Variants in MEDAG observed in about 807,000 individuals in gnomAD.
MEDAG encodes the protein mesenteric estrogen-dependent adipogenesis protein.
A neutral mutation model predicts 29.9 loss-of-function variants in MEDAG; 25 were observed. That is an observed-to-expected ratio of 0.84 (90% CI 0.61 to 1.17). The LOEUF is 1.17. Ranked by LOEUF, MEDAG falls within the 50% of genes most tolerant of loss-of-function variation. The probability of loss-of-function intolerance (pLI) is 0.00; values close to 1 mark genes in which losing one functional copy is unlikely to be tolerated. For synonymous variants in MEDAG, 158 were observed against 148.2 expected (o/e 1.07, Z -0.48); for missense variants, 398 against 372.9 (o/e 1.07, Z -0.56).
intron 1 of MEDAG, among the ~76,000 whole-genome samples, chr13:30,912,920 AT>A (rs1159371089): frequency 6.6e-6 from 1 of 152,234 alleles, no homozygotes; most frequent in African/African-American, 2.4e-5. Flanking sequence ...GTTGGCCAGG[AT>A]TAGAGATACT....
intron 3 of MEDAG, 85 bp from the exon 4 acceptor site, chr13:30,921,476 T>C: frequency 3.2e-6 from 4 of 1,235,836 alleles, no homozygotes; most frequent in Non-Finnish European, 4.5e-6. Flanking sequence ...TGTGATGTTT[T>C]GGATATTTAG....
intron 1 of MEDAG, among the ~76,000 whole-genome samples, chr13:30,914,802 A>C (rs2138120219): frequency 6.6e-6 from 1 of 152,348 alleles, no homozygotes; most frequent in African/African-American, 2.4e-5. Flanking sequence ...ACGCAGAGGG[A>C]CATACTGCAC....
intron 1 of MEDAG, among the ~76,000 whole-genome samples, chr13:30,913,524 C>T (rs963322332): frequency 1.3e-5 from 2 of 152,118 alleles, no homozygotes; most frequent in African/African-American, 2.4e-5. Flanking sequence ...TGAGCCACCA[C>T]GCCCGGCTTT....
chr13:30,920,119 A>G (rs1952968611), intron 2 of MEDAG, among the ~76,000 whole-genome samples: 1 of 152,180 alleles, frequency 6.6e-6, no homozygotes, highest in Non-Finnish European at 1.5e-5. Flanking sequence ...GCCTTGGTCC[A>G]TAGAACCCTA....
chr13:30,923,344 A>T (rs1953007269), intron 4 of MEDAG, among the ~76,000 whole-genome samples: 2 of 143,276 alleles, frequency 1.4e-5, no homozygotes, highest in South Asian at 2.3e-4. Flanking sequence ...CTCTCTCTCC[A>T]TCTCTTTCTC....
intron 1 of MEDAG, chr13:30,916,342 AT>A (rs1221692587): frequency 6.6e-6 from 1 of 152,192 alleles, no homozygotes; most frequent in African/African-American, 2.4e-5. Context: ...CAAGGCTGTG[AT>A]TTTCATGTCA....
intron 1 of MEDAG, among the ~76,000 whole-genome samples, chr13:30,913,216 G>T (rs1952897399): frequency 6.6e-6 from 1 of 152,038 alleles, no homozygotes; most frequent in Non-Finnish European, 1.5e-5. Flanking sequence ...GTTGCTTTGG[G>T]TTGTTTGTTT....
intron 1 of MEDAG, among the ~76,000 whole-genome samples, chr13:30,915,158 A>G (rs1952915329): frequency 6.6e-6 from 1 of 151,890 alleles, no homozygotes; most frequent in South Asian, 2.1e-4. Flanking sequence ...CTCCCTCTGT[A>G]TCCTCACCCC....
intron 1 of MEDAG, among the ~76,000 whole-genome samples, chr13:30,911,228 T>C (rs1031185523): frequency 1.3e-5 from 2 of 152,180 alleles, no homozygotes; most frequent in African/African-American, 2.4e-5. Context: ...GGGTGCCTTT[T>C]TTTAGCCAGA....
chr13:30,906,946 A>G (rs1355571336), intron 1 of MEDAG, among the ~76,000 whole-genome samples, 153 bp downstream of exon 1: 2 of 152,116 alleles, frequency 1.3e-5, no homozygotes, highest in Non-Finnish European at 2.9e-5. Context: ...TTCTGCTTCT[A>G]TCACCCGGAG....
At chr13:30,923,441 C>CT (rs2138130220) in intron 4 of MEDAG, among the ~76,000 whole-genome samples, 1 of 152,142 alleles carries the variant, frequency 6.6e-6, no homozygotes, top group Non-Finnish European at 1.5e-5. Flanking sequence ...ATTTCTGTCT[C>CT]TGTCTGTTTC....
intron 1 of MEDAG, among the ~76,000 whole-genome samples, chr13:30,912,098 G>T (rs1174322350): frequency 6.6e-6 from 1 of 152,146 alleles, no homozygotes; most frequent in Non-Finnish European, 1.5e-5. Flanking sequence ...ATAAATGAAT[G>T]AATCATTCTC....
At chr13:30,921,508 T>G (rs929686324) in intron 3 of MEDAG, 53 bp from the exon 4 acceptor site, 1 of 1,503,154 alleles carries the variant, frequency 6.7e-7, no homozygotes, top group African/African-American at 1.4e-5. Flanking sequence ...TTCTACAATG[T>G]CAACAGGATA....
chr13:30,906,933 T>A (rs1952837005), intron 1 of MEDAG, 140 bp downstream of exon 1: 2 of 847,990 alleles, frequency 2.4e-6, no homozygotes, highest in Non-Finnish European at 3.3e-6. Context: ...TTCTAGACTT[T>A]CCTTCTGCTT....
chr13:30,910,249 A>C (rs1461743499), intron 1 of MEDAG, among the ~76,000 whole-genome samples: 1 of 151,752 alleles, frequency 6.6e-6, no homozygotes. Flanking sequence ...CCTCTTGGTG[A>C]AATATAATGG....
chr13:30,917,219 C>T (rs1437891366), intron 1 of MEDAG, among the ~76,000 whole-genome samples, 184 bp from the exon 2 acceptor site: 1 of 152,210 alleles, frequency 6.6e-6, no homozygotes, highest in African/African-American at 2.4e-5. Flanking sequence ...GGGCTGCACG[C>T]TGATCCTTGA....
intron 4 of MEDAG, among the ~76,000 whole-genome samples, chr13:30,923,268 A>G (rs1953006129): frequency 6.6e-6 from 1 of 152,090 alleles, no homozygotes; most frequent in African/African-American, 2.4e-5. Flanking sequence ...AATGCTTGCT[A>G]CTAGCTATTT....
intron 1 of MEDAG, among the ~76,000 whole-genome samples, chr13:30,915,148 C>T (rs1952915226): frequency 6.6e-6 from 1 of 152,090 alleles, no homozygotes; most frequent in African/African-American, 2.4e-5. Flanking sequence ...TTTCTCTTTT[C>T]TCCCTCTGTA....
intron 1 of MEDAG, among the ~76,000 whole-genome samples, chr13:30,908,064 A>G (rs946773970): frequency 1.3e-5 from 2 of 152,248 alleles, no homozygotes; most frequent in South Asian, 4.1e-4. Context: ...CAGGGTATGA[A>G]AAATAAAAAT....
Sources: allele counts gnomAD v4.1 joint callset (sites outside exome capture counted in the v4.1 genomes callset), GRCh38; gene constraint gnomAD v4.1.1; transcripts MANE v1.5; gene names NCBI Gene and HGNC (gene_info 2026-07-23, HGNC 2026-07-21).